PLCL2: variants seen among roughly 807,000 people sequenced by gnomAD.
PLCL2 encodes the protein phospholipase C like 2, also known as inactive phospholipase C-like protein 2.
A neutral mutation model predicts 79.6 loss-of-function variants in PLCL2; 4 were observed. The observed-to-expected ratio is 0.05, with a 90% CI of 0.02 to 0.11. The LOEUF (loss-of-function observed/expected upper bound fraction) is 0.11, where lower values mean the gene tolerates loss of function less well. Among genes scored for constraint, PLCL2 ranks in the 10% least tolerant of loss-of-function variants. The probability of loss-of-function intolerance (pLI) is 1.00; values close to 1 mark genes in which losing one functional copy is unlikely to be tolerated. For synonymous variants in PLCL2, 484 were observed against 457.7 expected (o/e 1.06, Z -0.73); for missense variants, 895 against 1,291.0 (o/e 0.69, Z 4.70).
At chr3:16,969,915 C>T (rs1268834739) in intron 1 of PLCL2, among the ~76,000 whole-genome samples, 1 of 151,736 alleles carries the variant, frequency 6.6e-6, no homozygotes, top group Non-Finnish European at 1.5e-5. Context: ...TCTTTGTTCT[C>T]ATTACTTGCC....
chr3:17,025,933 C>T (rs1180335448), intron 3 of PLCL2, among the ~76,000 whole-genome samples: 4 of 152,184 alleles, frequency 2.6e-5, no homozygotes, highest in Non-Finnish European at 5.9e-5. Flanking sequence ...CCTCTCAGAG[C>T]AGCGCACGTG....
intron 1 of PLCL2, among the ~76,000 whole-genome samples, chr3:16,966,267 T>G (rs202220765): frequency 5.3e-5 from 8 of 149,558 alleles, no homozygotes; most frequent in East Asian, 3.9e-4. Flanking sequence ...CTGCATCTAT[T>G]GAGATAATCA....
At chr3:17,049,502 A>G (rs1350311966) in intron 4 of PLCL2, among the ~76,000 whole-genome samples, 1 of 152,218 alleles carries the variant, frequency 6.6e-6, no homozygotes, top group Non-Finnish European at 1.5e-5. Context: ...CAAAATCAGC[A>G]TGCAAAAATC....
chr3:17,089,664 A>G, intron 5 of PLCL2, 69 bp from the exon 6 acceptor site: 1 of 894,102 alleles, frequency 1.1e-6, no homozygotes. Flanking sequence ...AGTGAAAGAT[A>G]GATATTGTTG....
rs376942886 is a variant in PLCL2, at chr3:16,969,005, C to A, written c.328-40669C>A. Among the ~76,000 whole-genome samples the A allele has an allele frequency of 4.6e-5, 7 of 152,100 alleles. 1 individual carries two copies. ...CCTTTTCTACATCTAATGAGATGTT[C>A]ATGTGGTTTTTAAGTTCTGTTTATG... On this transcript the variant is annotated intron_variant, in intron 1 of 5. Transcript: ENST00000615277.
intron 3 of PLCL2, among the ~76,000 whole-genome samples, chr3:17,026,201 A>AT (rs1317465173): frequency 6.6e-6 from 1 of 152,174 alleles, no homozygotes. Flanking sequence ...TTCTAACTTA[A>AT]TTAGGGCATT....
At chr3:17,076,175 C>T (rs955933786) in intron 5 of PLCL2, among the ~76,000 whole-genome samples, 2 of 152,186 alleles carry the variant, frequency 1.3e-5, no homozygotes, top group South Asian at 4.1e-4. Flanking sequence ...TCCTTGTCAA[C>T]ACTTGGAATT....
intron 3 of PLCL2, among the ~76,000 whole-genome samples, chr3:17,027,512 CA>C (rs1013506891): frequency 5.9e-5 from 9 of 152,154 alleles, no homozygotes; most frequent in Non-Finnish European, 5.9e-5. Context: ...TGGCTCTGTA[CA>C]GAACAAATTT....
chr3:17,069,585 G>A (rs946939794), intron 5 of PLCL2, among the ~76,000 whole-genome samples: 2 of 152,026 alleles, frequency 1.3e-5, no homozygotes, highest in African/African-American at 2.4e-5. Flanking sequence ...ATCTTTTGGG[G>A]TATTGTTTTC....
At chr3:17,021,595 T>TACACACAC (rs35902619) in intron 3 of PLCL2, among the ~76,000 whole-genome samples, 168 of 146,598 alleles carry the variant, frequency 1.1e-3, no homozygotes, top group Middle Eastern at 3.4e-3. Context: ...AAAGTATTCT[T>TACACACAC]ACACACACAC....
At chr3:16,990,143 G>A (rs1347767707) in intron 1 of PLCL2, among the ~76,000 whole-genome samples, 1 of 152,196 alleles carries the variant, frequency 6.6e-6, no homozygotes, top group Admixed American at 6.5e-5. Context: ...GATGATAGCA[G>A]TAGTAATGTC....
At chr3:16,977,790 A>G (rs879331461) in intron 1 of PLCL2, among the ~76,000 whole-genome samples, 14 of 152,162 alleles carry the variant, frequency 9.2e-5, no homozygotes, top group Admixed American at 1.3e-4. Flanking sequence ...GCTTATAAAC[A>G]ATGAAAATTT....
rs2064315804 is a variant in PLCL2, at chr3:17,011,024, G to A, written c.1678G>A (p.Val560Ile). 2 of 1,614,010 alleles carry A rather than the reference G, an allele frequency of 1.2e-6. No individual in the cohort carries two copies. The highest frequency in any genetic ancestry group is 2.7e-5 in the African/African-American group (2 of 75,046). Residue 560 changes from valine to isoleucine, a missense_variant, in exon 2 of 6, where the codon GTC (valine) becomes ATC (isoleucine). Around this residue, in one of 6 missense-constraint regions of PLCL2, gnomAD observed 242 missense variants for 399.5 expected, o/e 0.61. Coordinates refer to ENST00000615277, the MANE Select transcript of PLCL2 (RefSeq NM_001144382.2). The surrounding 1 kb of genome is among the most constrained non-coding windows in gnomAD (Gnocchi z 7.9). ...VEESYLPSPD[V>I]LKGKILIKAK... ...GGAATCTTATCTACCATCCCCAGAT[G>A]TCCTGAAAGGGAAAATACTAATTAA...
chr3:16,982,625 G>A (rs146542628), intron 1 of PLCL2, among the ~76,000 whole-genome samples: 2 of 152,310 alleles, frequency 1.3e-5, no homozygotes, highest in East Asian at 1.9e-4. Context: ...AGTGTCTAGC[G>A]ATTATGTCTC....
intron 4 of PLCL2, among the ~76,000 whole-genome samples, chr3:17,062,901 G>A (rs940277244): frequency 2.6e-5 from 4 of 151,962 alleles, no homozygotes; most frequent in Admixed American, 6.6e-5. Flanking sequence ...CCTAAGCAGC[G>A]GCGGCAGCAG....
chr3:17,031,331 A>G (rs570537380), intron 3 of PLCL2, among the ~76,000 whole-genome samples: 1 of 152,324 alleles, frequency 6.6e-6, no homozygotes, highest in African/African-American at 2.4e-5. Context: ...TGTGGACTAC[A>G]TCCTCACTGG....
intron 1 of PLCL2, among the ~76,000 whole-genome samples, chr3:16,957,230 G>C (rs1026108071): frequency 9.8e-4 from 148 of 151,634 alleles, no homozygotes; most frequent in African/African-American, 3.3e-3. Flanking sequence ...TATGTTGTGT[G>C]TTTGTTCTCG....
At chr3:16,916,128 T>C (rs2124931163) in intron 1 of PLCL2, among the ~76,000 whole-genome samples, 1 of 152,312 alleles carries the variant, frequency 6.6e-6, no homozygotes, top group South Asian at 2.1e-4. Context: ...GACTTTAATA[T>C]TATAGCACCA....
Position 16,885,179 on chromosome 3 carries a change from C to G in PLCL2, c.140C>G (p.Ala47Gly), listed in dbSNP as rs1169917042. ...GGAGGTCGCCTCGGCCACGGGCGGG[C>G]GCGCTATGACAGCGGCGGGGTTTCC... is the stretch of plus-strand genomic sequence containing the variant. ...GGGGRLGHGR[A>G]RYDSGGVSNG... is the part of the protein sequence containing the mutation. Residue 47 changes from alanine (A) to glycine (G), a missense_variant, in exon 1 of 6, where the codon GCG becomes GGG. Transcript: ENST00000615277. The G allele has an allele frequency of 3.5e-6, 2 of 568,384 alleles. No individual in the cohort carries two copies. The highest frequency in any genetic ancestry group is 6.0e-5 in the Admixed American group (2 of 33,220). 35.2% of individuals were successfully genotyped at this position (568,384 alleles called of 1,614,324 possible).
Sources: gnomAD v4.1 joint callset for allele counts (sites outside exome capture counted in the v4.1 genomes callset) on GRCh38, gnomAD v4.1.1 for gene constraint, gnomAD v4.1.1 regional missense constraint, Gnocchi (gnomAD v3.1) non-coding constraint, MANE v1.5 for transcripts, NCBI Gene and HGNC (gene_info 2026-07-23, HGNC 2026-07-21) for gene names.